The following SEZ6L variants were observed in gnomAD, a reference collection of about 807,000 sequenced individuals.
SEZ6L encodes seizure 6-like protein.
In SEZ6L, 37 loss-of-function variants were observed where a neutral mutation model predicts 106.2. That is an observed-to-expected ratio of 0.35 (90% CI 0.27 to 0.46). SEZ6L has a LOEUF of 0.46. Ranked by LOEUF, SEZ6L falls within the 20% of genes least tolerant of loss-of-function variation. The pLI is 1.00. For synonymous variants in SEZ6L, 541 were observed against 570.4 expected (o/e 0.95, Z 0.73); for missense variants, 1,172 against 1,332.8 (o/e 0.88, Z 1.88).
chr22:26,268,719 C>T (rs2080266407), intron 1 of SEZ6L, among the ~76,000 whole-genome samples: 1 of 152,126 alleles, frequency 6.6e-6, no homozygotes. Flanking sequence ...TTAGCAATAC[C>T]CTCGGCTTCC....
chr22:26,366,672 C>T (rs1015371271), intron 13 of SEZ6L, among the ~76,000 whole-genome samples: 10 of 151,496 alleles, frequency 6.6e-5, no homozygotes, highest in Non-Finnish European at 1.2e-4. Context: ...CATGCTACTG[C>T]ACTCCAGCCT....
At chr22:26,354,060 G>T (rs1180343224) in intron 12 of SEZ6L, among the ~76,000 whole-genome samples, 2 of 136,578 alleles carry the variant, frequency 1.5e-5, no homozygotes, top group Non-Finnish European at 3.2e-5. Flanking sequence ...CCTAACCCAT[G>T]GTATCTGTAA....
intron 13 of SEZ6L, among the ~76,000 whole-genome samples, chr22:26,367,160 G>A (rs1231245357): frequency 6.6e-6 from 1 of 152,110 alleles, no homozygotes; most frequent in African/African-American, 2.4e-5. Flanking sequence ...TTGAGGCAGG[G>A]CTGGGACGAG....
chr22:26,238,252 C>T (rs750815556), intron 1 of SEZ6L, among the ~76,000 whole-genome samples: 2 of 152,204 alleles, frequency 1.3e-5, no homozygotes, highest in South Asian at 2.1e-4. Flanking sequence ...TGAAGGGCTG[C>T]GTAGGCATTC....
At chr22:26,340,663 T>G in intron 10 of SEZ6L, 31 bp downstream of exon 10, 1 of 1,578,348 alleles carries the variant, frequency 6.3e-7, no homozygotes, top group Non-Finnish European at 8.6e-7. Context: ...ATTTATTTTT[T>G]CTTTGTGTTT....
intron 1 of SEZ6L, among the ~76,000 whole-genome samples, chr22:26,258,669 G>A (rs1440114333): frequency 1.3e-5 from 2 of 152,164 alleles, no homozygotes; most frequent in African/African-American, 4.8e-5. Context: ...TGTTGGGCCT[G>A]TATTTCTAAT....
intron 10 of SEZ6L, among the ~76,000 whole-genome samples, chr22:26,344,187 A>G (rs936520248): frequency 6.6e-6 from 1 of 152,204 alleles, no homozygotes; most frequent in African/African-American, 2.4e-5. Context: ...TATGATTGCA[A>G]TTAGAGCCTT....
chr22:26,181,886 A>G (rs963293620), intron 1 of SEZ6L, among the ~76,000 whole-genome samples: 2 of 152,254 alleles, frequency 1.3e-5, no homozygotes, highest in African/African-American at 4.8e-5. Context: ...GTGTACCCAC[A>G]TGAAGTTATT....
At chr22:26,339,852 G>A (rs1022963037) in intron 9 of SEZ6L, among the ~76,000 whole-genome samples, 2 of 152,212 alleles carry the variant, frequency 1.3e-5, no homozygotes, top group Non-Finnish European at 2.9e-5. Context: ...AATAATGGGA[G>A]TTTTGAAGGT....
At chr22:26,355,437 C>A (rs978690285) in intron 12 of SEZ6L, among the ~76,000 whole-genome samples, 1 of 152,162 alleles carries the variant, frequency 6.6e-6, no homozygotes, top group Non-Finnish European at 1.5e-5. Context: ...ACTGCATAAG[C>A]CCCTGGGCCC....
chr22:26,225,868 C>A (rs778285920), intron 1 of SEZ6L, among the ~76,000 whole-genome samples: 2 of 152,194 alleles, frequency 1.3e-5, no homozygotes, highest in Non-Finnish European at 2.9e-5. Flanking sequence ...TCCCCCCATG[C>A]CCTAGACCTG....
intron 1 of SEZ6L, among the ~76,000 whole-genome samples, chr22:26,207,253 A>G (rs183810631): frequency 1.6e-3 from 239 of 152,314 alleles, no homozygotes; most frequent in Admixed American, 2.9e-3. Context: ...CTTTGACACC[A>G]CAAGGCATGG....
At chr22:26,243,069 C>T (rs944336519) in intron 1 of SEZ6L, among the ~76,000 whole-genome samples, 4 of 152,098 alleles carry the variant, frequency 2.6e-5, no homozygotes, top group African/African-American at 9.7e-5. Context: ...TCTCATATGA[C>T]CTTTTCTTTG....
chr22:26,186,463 G>A (rs986342715), intron 1 of SEZ6L, among the ~76,000 whole-genome samples: 4 of 152,162 alleles, frequency 2.6e-5, no homozygotes, highest in Admixed American at 6.5e-5. Context: ...AAATGGGAAA[G>A]TTGGAATTTA....
At chr22:26,249,055 T>C (rs2145789593) in intron 1 of SEZ6L, among the ~76,000 whole-genome samples, 1 of 152,352 alleles carries the variant, frequency 6.6e-6, no homozygotes, top group South Asian at 2.1e-4. Flanking sequence ...AATTGACATA[T>C]AATAATCTTA....
intron 1 of SEZ6L, among the ~76,000 whole-genome samples, chr22:26,255,107 C>T (rs1256118401): frequency 2.0e-5 from 3 of 152,160 alleles, no homozygotes; most frequent in African/African-American, 4.8e-5. Flanking sequence ...TGAGGTGTAA[C>T]GGGCATACCA....
Position 26,306,131 on chromosome 22 carries a change from C to G in SEZ6L, c.1501C>G (p.His501Asp). 6.2e-7 allele frequency: 1 copy of G among 1,613,666 alleles called. No homozygotes were observed. The highest frequency in any genetic ancestry group is 8.5e-7 in the Non-Finnish European group (1 of 1,180,004). ...CCTGCACTTTGAGAGGCTGTTGCTG[C>G]ATGACAAGGACAGGTAAAGCTCTGA... Reference protein sequence around the residue: ...LHLHFERLLLHDKDRMTVHSG... With the variant: ...LHLHFERLLLDDKDRMTVHSG... Residue 501 changes from histidine (H) to aspartate (D), a missense_variant, in exon 6 of 17, where the codon CAT (histidine) becomes GAT (aspartate). Around this residue, in one of 4 missense-constraint regions of SEZ6L, gnomAD observed 534 missense variants for 691.0 expected, o/e 0.77. Transcript: ENST00000248933.
At position 26,222,988 on chromosome 22, in the gene SEZ6L, A is replaced by C. The variant is rs904868165; in HGVS notation, c.94+53225A>C. 1.8e-4 allele frequency among the ~76,000 whole-genome samples: 5 copies of C among 27,308 alleles called. No homozygotes were observed. The African/African-American group carries it at 2.4e-3, about 13-fold the overall frequency. 17.9% of individuals were successfully genotyped at this position (27,308 alleles called of 152,430 possible). A position where few individuals can be genotyped will look rare whatever the true frequency, so the allele number is the denominator to read the frequency against. On this transcript the variant is annotated intron_variant, in intron 1 of 16. Coordinates refer to ENST00000248933, the MANE Select transcript of SEZ6L (RefSeq NM_021115.5). ...ATGATGCATGGGACAGCCTCCCACA[A>C]AAAAAAAAAAAATTATCTGGCCCCA...
chr22:26,350,848 G>A (rs2083253506), intron 11 of SEZ6L, among the ~76,000 whole-genome samples: 1 of 151,884 alleles, frequency 6.6e-6, no homozygotes, highest in African/African-American at 2.4e-5. Context: ...AGTAGAGACG[G>A]GGTTTCACCA....
Sources: gnomAD v4.1 joint callset for allele counts (sites outside exome capture counted in the v4.1 genomes callset) on GRCh38, gnomAD v4.1.1 for gene constraint, gnomAD v4.1.1 regional missense constraint, MANE v1.5 for transcripts, NCBI Gene and HGNC (gene_info 2026-07-23, HGNC 2026-07-21) for gene names.